NVL: variants seen among roughly 807,000 people sequenced by gnomAD.
NVL encodes the protein nuclear valosin-containing protein-like.
NVL carries 84 observed loss-of-function variants against 110.2 expected under a neutral mutation model. The observed-to-expected ratio is 0.76, with a 90% CI of 0.64 to 0.91. The LOEUF (loss-of-function observed/expected upper bound fraction) is 0.91. Ranked by LOEUF, NVL falls within the 40% of genes least tolerant of loss-of-function variation. The pLI, the probability that NVL is intolerant of heterozygous loss-of-function variation, is 0.00. For synonymous variants in NVL, 354 were observed against 361.1 expected (o/e 0.98, Z 0.22); for missense variants, 882 against 1,035.9 (o/e 0.85, Z 2.04).
intron 15 of NVL, among the ~76,000 whole-genome samples, chr1:224,283,587 G>A (rs1272389216): frequency 1.3e-5 from 2 of 152,202 alleles, no homozygotes; most frequent in Admixed American, 1.3e-4. Context: ...GTAGATCTAT[G>A]ATGTTTTAGT....
chr1:224,258,928 A>C (rs1288864768), intron 18 of NVL, among the ~76,000 whole-genome samples: 1 of 145,424 alleles, frequency 6.9e-6, no homozygotes, highest in South Asian at 2.3e-4. Context: ...GGCATGCTGC[A>C]GGCCAGGAGT....
chr1:224,257,102 C>G (rs1256188650), intron 18 of NVL: 1 of 530,298 alleles, frequency 1.9e-6, no homozygotes, highest in Admixed American at 2.0e-5. Context: ...AAGAGAAAGC[C>G]TAAGAGACAG....
intron 18 of NVL, among the ~76,000 whole-genome samples, chr1:224,255,195 T>TG (rs1384940006): frequency 7.4e-6 from 1 of 135,448 alleles, no homozygotes; most frequent in Non-Finnish European, 1.6e-5. Flanking sequence ...TTTTTTTTTT[T>TG]TTTTTTTTTC....
intron 4 of NVL, 135 bp downstream of exon 4, chr1:224,317,559 C>A: frequency 1.6e-6 from 1 of 613,138 alleles, no homozygotes; most frequent in Non-Finnish European, 2.9e-6. Context: ...AAAGAACATT[C>A]AATATGGCTG....
At position 224,326,321 on chromosome 1, in the gene NVL, C is replaced by T; in HGVS notation, c.131+70G>A. 6 of 1,100,650 alleles carry T rather than the reference C, an allele frequency of 5.5e-6. 1 individual carries two copies. Among genetic ancestry groups the T allele is most frequent in the African/African-American group, 1.6e-5 (1 of 63,498 alleles). 68.2% of individuals were successfully genotyped at this position (1,100,650 alleles called of 1,614,324 possible). ...TACTGATATCAACTGGAAATTTAGG[C>T]AGGATATAAACTTTTAAAATGGTAA... On this transcript the variant is annotated intron_variant, in intron 2 of 22. Coordinates refer to ENST00000281701, the MANE Select transcript of NVL (RefSeq NM_002533.4).
At chr1:224,294,040 T>A (rs1362260208) in intron 12 of NVL, among the ~76,000 whole-genome samples, 1 of 152,200 alleles carries the variant, frequency 6.6e-6, no homozygotes, top group Admixed American at 6.5e-5. Context: ...TATCAAGTGA[T>A]CCTCCTGCCT....
chr1:224,305,490 A>G (rs534435641), intron 6 of NVL: 52 of 191,644 alleles, frequency 2.7e-4, no homozygotes, highest in Non-Finnish European at 4.1e-4. Context: ...GGGGAAAAAA[A>G]AAAAAAGAAA....
At chr1:224,284,753 A>G (rs1393088191) in intron 15 of NVL, among the ~76,000 whole-genome samples, 1 of 152,182 alleles carries the variant, frequency 6.6e-6, no homozygotes. Context: ...ATTGTCCACT[A>G]TTAAGAGCAA....
At chr1:224,328,290 C>T (rs1017712033) in intron 1 of NVL, among the ~76,000 whole-genome samples, 1 of 151,906 alleles carries the variant, frequency 6.6e-6, no homozygotes, top group Admixed American at 6.6e-5. Flanking sequence ...GAGGCTGAGG[C>T]GGGCAGATCA....
chr1:224,288,016 A>G lies in NVL; in HGVS notation c.1576-23T>C. On this transcript the variant is annotated intron_variant, in intron 13 of 22. Transcript: ENST00000281701. The stretch of plus-strand genomic sequence containing the variant: ...ATCCTTGAAGGGAACAATAGAGGGG[A>G]AAAAAATAAAGAAACACCACAACAG... The G allele has an allele frequency of 2.6e-6, 4 of 1,553,114 alleles. No homozygotes were observed. In the South Asian group the frequency reaches 4.5e-5, roughly 17 times the overall value.
intron 1 of NVL, among the ~76,000 whole-genome samples, chr1:224,326,948 C>T (rs918470451): frequency 2.0e-5 from 3 of 151,988 alleles, no homozygotes; most frequent in South Asian, 2.1e-4. Context: ...TTGAGACCAC[C>T]CTGGGCAACA....
chr1:224,293,304 C>T (rs1458399404), intron 12 of NVL, among the ~76,000 whole-genome samples: 3 of 144,572 alleles, frequency 2.1e-5, no homozygotes, highest in South Asian at 2.3e-4. Context: ...CTCCTGACCT[C>T]GTGATCCGCC....
intron 2 of NVL, among the ~76,000 whole-genome samples, chr1:224,319,474 T>C (rs1010592753): frequency 5.3e-5 from 8 of 151,850 alleles, no homozygotes; most frequent in African/African-American, 1.9e-4. Flanking sequence ...CACCCGGCTA[T>C]TTTTTTGTAT....
chr1:224,299,646 T>G (rs1025159577), intron 10 of NVL, among the ~76,000 whole-genome samples: 1 of 152,206 alleles, frequency 6.6e-6, no homozygotes, highest in African/African-American at 2.4e-5. Context: ...TGGCTATGCG[T>G]GCCAATTTAA....
At chr1:224,284,758 G>A (rs1184938658) in intron 15 of NVL, among the ~76,000 whole-genome samples, 11 of 152,102 alleles carry the variant, frequency 7.2e-5, no homozygotes, top group Admixed American at 5.9e-4. Flanking sequence ...CCACTATTAA[G>A]AGCAATGTTC....
intron 18 of NVL, among the ~76,000 whole-genome samples, chr1:224,264,617 A>C (rs1207325076): frequency 1.3e-5 from 2 of 152,222 alleles, no homozygotes; most frequent in Non-Finnish European, 2.9e-5. Context: ...ATCAAGCAAG[A>C]AGGGAATTCT....
At chr1:224,254,662 A>C (rs368671851) in intron 18 of NVL, among the ~76,000 whole-genome samples, 3 of 142,782 alleles carry the variant, frequency 2.1e-5, no homozygotes, top group Admixed American at 7.1e-5. Flanking sequence ...TGATCTGCTC[A>C]TCTCGGCCTC....
At chr1:224,306,812 G>A (rs1221794446) in intron 6 of NVL, among the ~76,000 whole-genome samples, 1 of 152,098 alleles carries the variant, frequency 6.6e-6, no homozygotes, top group Non-Finnish European at 1.5e-5. Flanking sequence ...TGTCAGTCTG[G>A]GTGACAAGGC....
intron 2 of NVL, among the ~76,000 whole-genome samples, chr1:224,319,153 C>CA (rs770885193): frequency 0.031 from 1,473 of 46,878 alleles, 31 homozygotes; most frequent in Non-Finnish European, 0.036. Flanking sequence ...GACTCCGTCT[C>CA]AAAAAAAAAA....
Sources: allele counts gnomAD v4.1 joint callset (sites outside exome capture counted in the v4.1 genomes callset), GRCh38; gene constraint gnomAD v4.1.1; transcripts MANE v1.5; gene names NCBI Gene and HGNC (gene_info 2026-07-23, HGNC 2026-07-21).